The following NELL1 variants were observed in gnomAD, a reference collection of about 807,000 sequenced individuals.
NELL1 encodes neural EGFL like 1.
Under a neutral mutation model 107.4 loss-of-function variants are expected in NELL1, and 76 were observed. The observed-to-expected ratio is 0.71, with a 90% CI of 0.59 to 0.86. The LOEUF (loss-of-function observed/expected upper bound fraction) is 0.86. Ranked by LOEUF, NELL1 falls within the 40% of genes least tolerant of loss-of-function variation. The pLI is 0.00. For synonymous variants in NELL1, 353 were observed against 341.2 expected (o/e 1.03, Z -0.38); for missense variants, 1,024 against 1,005.5 (o/e 1.02, Z -0.25).
At chr11:21,531,378 T>C (rs918495631) in intron 15 of NELL1, among the ~76,000 whole-genome samples, 8 of 152,214 alleles carry the variant, frequency 5.3e-5, no homozygotes, top group Non-Finnish European at 1.0e-4. Flanking sequence ...CAAGATATGA[T>C]AGTTGTGACA....
At chr11:20,948,905 G>C (rs1409695499) in intron 11 of NELL1, among the ~76,000 whole-genome samples, 1 of 151,962 alleles carries the variant, frequency 6.6e-6, no homozygotes, top group African/African-American at 2.4e-5. Flanking sequence ...GAGTTAAGGA[G>C]GTCCCTGCAG....
intron 4 of NELL1, among the ~76,000 whole-genome samples, chr11:20,881,693 T>C (rs941676059): frequency 1.3e-5 from 2 of 152,206 alleles, no homozygotes; most frequent in African/African-American, 2.4e-5. Context: ...TCTCTGACTA[T>C]GGCAGGCAGA....
intron 3 of NELL1, among the ~76,000 whole-genome samples, chr11:20,835,419 A>T (rs1848516029): frequency 6.6e-6 from 1 of 152,202 alleles, no homozygotes; most frequent in South Asian, 2.1e-4. Context: ...TAGCCTTGAG[A>T]AAATGGGCCT....
chr11:21,152,895 T>G (rs1003365153), intron 13 of NELL1, among the ~76,000 whole-genome samples: 1 of 152,176 alleles, frequency 6.6e-6, no homozygotes, highest in Non-Finnish European at 1.5e-5. Flanking sequence ...TCTCAACTGT[T>G]TTCCTGTTTT....
chr11:21,076,512 A>T (rs1240517967), intron 12 of NELL1, among the ~76,000 whole-genome samples: 6 of 152,212 alleles, frequency 3.9e-5, no homozygotes, highest in Non-Finnish European at 7.3e-5. Flanking sequence ...TAGGACAAAA[A>T]TCCTTCTCAG....
rs547239900 is a variant in NELL1 at position 20,969,943 on chromosome 11, A to T, written c.1300+9383A>T. 6.6e-5 allele frequency among the ~76,000 whole-genome samples: 10 copies of T among 152,284 alleles called. No individual in the cohort carries two copies. The South Asian group carries it at 2.1e-3, about 32-fold the overall frequency. On this transcript the variant is annotated intron_variant, in intron 12 of 19. Transcript: ENST00000357134. ...ATTATTTATAATTATATTATCATGCATTATTATACCAACAATATTATTTTA... is the reference window on the plus strand; with the variant it reads ...ATTATTTATAATTATATTATCATGCTTTATTATACCAACAATATTATTTTA...
intron 15 of NELL1, among the ~76,000 whole-genome samples, chr11:21,450,478 A>G (rs1012067289): frequency 1.3e-5 from 2 of 152,238 alleles, no homozygotes; most frequent in Non-Finnish European, 2.9e-5. Context: ...CTGCTGAGGT[A>G]TAACGTTGTA....
At chr11:21,023,307 C>A (rs369460175) in intron 12 of NELL1, among the ~76,000 whole-genome samples, 3 of 151,900 alleles carry the variant, frequency 2.0e-5, no homozygotes, top group East Asian at 3.9e-4. Context: ...TGTGACTAAG[C>A]CTTAGTACCT....
rs34729354 is a variant in NELL1 at position 20,817,834 on chromosome 11, ATT to A, written c.336-29740_336-29739del. ...GATATGTTGTGTCTCTGTTTTAAAG[ATT>A]TTTTTTTTGATTTCTGCCTTGTTTT... On this transcript the variant is annotated intron_variant, in intron 3 of 19. Coordinates refer to ENST00000357134, the MANE Select transcript of NELL1 (RefSeq NM_006157.5). Among the ~76,000 whole-genome samples, 16 of 151,014 alleles carry A rather than the reference ATT, an allele frequency of 1.1e-4. 1 individual carries two copies. Among genetic ancestry groups the A allele is most frequent in the African/African-American group, 3.7e-4 (15 of 40,988 alleles).
chr11:21,176,257 C>T (rs1311858121), intron 13 of NELL1, among the ~76,000 whole-genome samples: 1 of 151,902 alleles, frequency 6.6e-6, no homozygotes, highest in Non-Finnish European at 1.5e-5. Context: ...TACCAAGAAC[C>T]TCACTTTGTT....
At chr11:21,376,701 T>G (rs1851489752) in intron 15 of NELL1, among the ~76,000 whole-genome samples, 1 of 152,116 alleles carries the variant, frequency 6.6e-6, no homozygotes, top group Non-Finnish European at 1.5e-5. Flanking sequence ...GTTTTTCCAT[T>G]TGTTTGTGTC....
chr11:20,888,080 G>A (rs1300720371), intron 5 of NELL1, among the ~76,000 whole-genome samples: 4 of 152,002 alleles, frequency 2.6e-5, no homozygotes, highest in African/African-American at 9.7e-5. Flanking sequence ...GAACTAAAAA[G>A]CACTTCCAAA....
intron 14 of NELL1, among the ~76,000 whole-genome samples, chr11:21,359,105 G>T (rs1851013462): frequency 6.6e-6 from 1 of 152,014 alleles, no homozygotes; most frequent in South Asian, 2.1e-4. Flanking sequence ...GTAATGTTGG[G>T]TATGGGTTTG....
At chr11:20,703,137 C>G (rs1214544216) in intron 2 of NELL1, among the ~76,000 whole-genome samples, 2 of 152,064 alleles carry the variant, frequency 1.3e-5, no homozygotes, top group African/African-American at 4.8e-5. Context: ...TGGTGCTGGA[C>G]TTTTTTTGGC....
chr11:20,772,747 T>C (rs2133970394), intron 2 of NELL1, among the ~76,000 whole-genome samples: 1 of 152,292 alleles, frequency 6.6e-6, no homozygotes, highest in African/African-American at 2.4e-5. Flanking sequence ...GAGCTGGGAT[T>C]CAAACACTGG....
chr11:21,316,910 C>G (rs775221546), intron 14 of NELL1, among the ~76,000 whole-genome samples: 1 of 151,896 alleles, frequency 6.6e-6, no homozygotes, highest in African/African-American at 2.4e-5. Context: ...AGCACAAAGG[C>G]TGGGGTGGGA....
At chr11:21,490,993 A>G (rs1227820751) in intron 15 of NELL1, among the ~76,000 whole-genome samples, 3 of 152,132 alleles carry the variant, frequency 2.0e-5, no homozygotes, top group Non-Finnish European at 4.4e-5. Context: ...AAAAGAAACA[A>G]TCAACAGAGT....
chr11:21,289,424 C>G (rs185120706), intron 14 of NELL1, among the ~76,000 whole-genome samples: 2 of 152,280 alleles, frequency 1.3e-5, no homozygotes, highest in Non-Finnish European at 2.9e-5. Context: ...GGAACTCCCT[C>G]CCCTAGCCAA....
chr11:21,371,226 G>C (rs566044309), intron 15 of NELL1, among the ~76,000 whole-genome samples: 65 of 152,050 alleles, frequency 4.3e-4, no homozygotes, highest in Admixed American at 5.3e-4. Flanking sequence ...GCTAATTAGA[G>C]ATAAAGCCTG....
Sources: gnomAD v4.1 joint callset for allele counts (sites outside exome capture counted in the v4.1 genomes callset) on GRCh38, gnomAD v4.1.1 for gene constraint, MANE v1.5 for transcripts, NCBI Gene and HGNC (gene_info 2026-07-23, HGNC 2026-07-21) for gene names.